SULF2: variants seen among roughly 807,000 people sequenced by gnomAD.
SULF2 encodes the protein sulfatase 2.
SULF2 carries 52 observed loss-of-function variants against 107.7 expected under a neutral mutation model. That is an observed-to-expected ratio of 0.48 (90% CI 0.39 to 0.61). SULF2 has a LOEUF of 0.61. Among genes scored for constraint, SULF2 ranks in the 20% least tolerant of loss-of-function variants. The pLI is 0.00. For synonymous variants in SULF2, 460 were observed against 464.3 expected (o/e 0.99, Z 0.12); for missense variants, 993 against 1,177.3 (o/e 0.84, Z 2.29).
At chr20:47,738,243 CT>C (rs1213480268) in intron 2 of SULF2, among the ~76,000 whole-genome samples, 1 of 152,212 alleles carries the variant, frequency 6.6e-6, no homozygotes, top group East Asian at 1.9e-4. Flanking sequence ...ACAGTGGGTA[CT>C]CAACATAGGT....
At chr20:47,745,401 A>G (rs1277522045) in intron 2 of SULF2, among the ~76,000 whole-genome samples, 8,435 of 38,614 alleles carry the variant, frequency 0.22, 724 homozygotes, top group African/African-American at 0.29. Context: ...AAAAAAAAAA[A>G]AAAAAAAAAA....
At position 47,678,592 on chromosome 20, in the gene SULF2, C is replaced by A; in HGVS notation, c.1193+84G>T. On this transcript the variant is annotated intron_variant, in intron 8 of 20. Coordinates refer to ENST00000688720, the MANE Select transcript of SULF2 (RefSeq NM_001387048.1). The surrounding 1 kb of genome is among the most constrained non-coding windows in gnomAD (Gnocchi z 4.5). ...CAGCTCCCGACCCTTGGAGACCCCA[C>A]GTTCTAGACCCACAGGGTTTTGCTC... 6.4e-7 allele frequency: 1 copy of A among 1,551,788 alleles called. No individual in the cohort carries two copies. Among genetic ancestry groups the A allele is most frequent in the Non-Finnish European group, 8.8e-7 (1 of 1,141,076 alleles).
At chr20:47,715,098 T>A (rs2089071146) in intron 3 of SULF2, among the ~76,000 whole-genome samples, 1 of 146,130 alleles carries the variant, frequency 6.8e-6, no homozygotes. Context: ...TTTGTATTTT[T>A]TTTTTTTTTT....
intron 1 of SULF2, among the ~76,000 whole-genome samples, chr20:47,783,904 A>G (rs7270844): frequency 0.16 from 23,641 of 152,168 alleles, 2,131 homozygotes; most frequent in South Asian, 0.24. Flanking sequence ...GAAGCTGGGG[A>G]GAACATCTCT....
chr20:47,778,737 G>A (rs2090768656), intron 1 of SULF2, among the ~76,000 whole-genome samples: 1 of 152,218 alleles, frequency 6.6e-6, no homozygotes, highest in Non-Finnish European at 1.5e-5. Flanking sequence ...GGGAGGCTCA[G>A]CCCGAGCCTT....
At position 47,756,165 on chromosome 20, in the gene SULF2, G is replaced by A. The variant is rs573808357; in HGVS notation, c.175+1024C>T. Among the ~76,000 whole-genome samples the A allele has an allele frequency of 2.0e-5, 3 of 152,320 alleles. No homozygotes were observed. In the South Asian group the frequency reaches 6.2e-4, roughly 32 times the overall value. On this transcript the variant is annotated intron_variant, in intron 2 of 20. Transcript: ENST00000688720. ...TGAGACCAAGAAGCTCTGAGGTCCAGGTGCTGCCTGCAAGACCCCTCTGCA... is the reference window on the plus strand; with the variant it reads ...TGAGACCAAGAAGCTCTGAGGTCCAAGTGCTGCCTGCAAGACCCCTCTGCA...
chr20:47,677,934 G>A (rs1177868321), intron 8 of SULF2: 10 of 152,302 alleles, frequency 6.6e-5, no homozygotes, highest in Admixed American at 6.5e-4. Context: ...GAGGCCACAG[G>A]GGAAGGGCTC....
At chr20:47,741,248 C>T (rs1421495007) in intron 2 of SULF2, among the ~76,000 whole-genome samples, 2 of 149,478 alleles carry the variant, frequency 1.3e-5, no homozygotes, top group African/African-American at 2.5e-5. Context: ...CCCTCCCTAA[C>T]CCCATCCCCC....
intron 3 of SULF2, among the ~76,000 whole-genome samples, chr20:47,720,146 G>C (rs965912872): frequency 1.3e-5 from 2 of 152,016 alleles, no homozygotes; most frequent in Non-Finnish European, 1.5e-5. Context: ...TTAGAGACGG[G>C]GTTTCACGGT....
chr20:47,692,084 TA>T (rs1445668980), intron 4 of SULF2, among the ~76,000 whole-genome samples: 3 of 152,192 alleles, frequency 2.0e-5, no homozygotes, highest in African/African-American at 7.2e-5. Flanking sequence ...CTGAATTTAG[TA>T]AATATTTAGC....
intron 1 of SULF2, among the ~76,000 whole-genome samples, chr20:47,772,575 GGA>G (rs1278265490): frequency 6.6e-6 from 1 of 152,192 alleles, no homozygotes; most frequent in African/African-American, 2.4e-5. Flanking sequence ...GAGGCTTGGA[GGA>G]GAGCAGAAAA....
chr20:47,765,454 A>C (rs2090511441), intron 1 of SULF2, among the ~76,000 whole-genome samples: 1 of 151,818 alleles, frequency 6.6e-6, no homozygotes. Flanking sequence ...CCAGAGGCAG[A>C]AGGCGGCATT....
Position 47,678,514 on chromosome 20 carries a change from A to ATGCTTCTCTCCCACGGGGACCT in SULF2, c.1193+161_1193+162insAGGTCCCCGTGGGAGAGAAGCA. ...AAGACAGAATCTCGGAGAGGGGACC[A>ATGCTTCTCTCCCACGGGGACCT]TGCTTCTCTCCCACAGCAGGTAAGT... is the stretch of plus-strand genomic sequence containing the variant. On this transcript the variant is annotated intron_variant, in intron 8 of 20. Coordinates refer to ENST00000688720, the MANE Select transcript of SULF2 (RefSeq NM_001387048.1). The surrounding 1 kb of genome is among the most constrained non-coding windows in gnomAD (Gnocchi z 4.5). 2.2e-6 allele frequency: 2 copies of ATGCTTCTCTCCCACGGGGACCT among 913,300 alleles called. No individual in the cohort carries two copies. Among genetic ancestry groups the ATGCTTCTCTCCCACGGGGACCT allele is most frequent in the Non-Finnish European group, 1.7e-6 (1 of 600,664 alleles). The allele number at this position is 913,300 out of a possible 1,614,324, so 56.6% of individuals were successfully genotyped here. A position where few individuals can be genotyped will look rare whatever the true frequency, so the allele number is the denominator to read the frequency against.
At chr20:47,730,231 C>A (rs1301373857) in intron 3 of SULF2, among the ~76,000 whole-genome samples, 1 of 152,192 alleles carries the variant, frequency 6.6e-6, no homozygotes, top group African/African-American at 2.4e-5. Context: ...GGAGCATGTA[C>A]CCCCTGCTCC....
intron 1 of SULF2, among the ~76,000 whole-genome samples, chr20:47,781,207 C>T (rs752910811): frequency 3.3e-5 from 5 of 152,252 alleles, no homozygotes; most frequent in Non-Finnish European, 7.3e-5. Context: ...GAGGCATTGC[C>T]CAGGCAGCGT....
At chr20:47,775,757 G>A (rs1015619147) in intron 1 of SULF2, among the ~76,000 whole-genome samples, 5 of 152,240 alleles carry the variant, frequency 3.3e-5, no homozygotes, top group African/African-American at 1.2e-4. Context: ...CAGTGCCTCA[G>A]TTTCCTTACT....
At chr20:47,755,159 T>C (rs2090252168) in intron 2 of SULF2, among the ~76,000 whole-genome samples, 1 of 152,220 alleles carries the variant, frequency 6.6e-6, no homozygotes, top group African/African-American at 2.4e-5. Flanking sequence ...ATTCTAGCTG[T>C]GCAAACTTGG....
intron 3 of SULF2, among the ~76,000 whole-genome samples, chr20:47,719,762 T>C (rs749615113): frequency 2.0e-5 from 3 of 152,196 alleles, no homozygotes; most frequent in Admixed American, 1.3e-4. Flanking sequence ...AAGGTCTCTA[T>C]TGCAATGATT....
chr20:47,762,362 T>G (rs575651241), intron 1 of SULF2, among the ~76,000 whole-genome samples: 2 of 152,322 alleles, frequency 1.3e-5, no homozygotes, highest in South Asian at 4.1e-4. Flanking sequence ...CAGGAAAACC[T>G]TTCTGAAAGC....
Sources: allele counts gnomAD v4.1 joint callset (sites outside exome capture counted in the v4.1 genomes callset), GRCh38; gene constraint gnomAD v4.1.1; non-coding constraint Gnocchi (gnomAD v3.1); transcripts MANE v1.5; gene names NCBI Gene and HGNC (gene_info 2026-07-23, HGNC 2026-07-21).